RAD54L2: variants seen among roughly 807,000 people sequenced by gnomAD.
RAD54L2 encodes the protein RAD54 like 2.
RAD54L2 carries 27 observed loss-of-function variants against 138.4 expected under a neutral mutation model. That is an observed-to-expected ratio of 0.20 (90% CI 0.14 to 0.27). The LOEUF is 0.27. Among genes scored for constraint, RAD54L2 ranks in the 10% least tolerant of loss-of-function variants. RAD54L2 has a pLI of 1.00. For missense variants in RAD54L2, 1,396 were observed against 1,890.2 expected (o/e 0.74, Z 4.85); for synonymous variants, 644 against 723.2 (o/e 0.89, Z 1.76).
intron 4 of RAD54L2, 77 bp from the exon 5 acceptor site, chr3:51,629,257 A>G (rs961337107): frequency 1.2e-5 from 18 of 1,460,948 alleles, no homozygotes; most frequent in Middle Eastern, 1.7e-4. Context: ...ATCAATGGCT[A>G]TTTCTCTCTT....
chr3:51,571,917 A>G (rs1227815192), intron 2 of RAD54L2, among the ~76,000 whole-genome samples: 2 of 151,770 alleles, frequency 1.3e-5, no homozygotes, highest in African/African-American at 4.8e-5. Context: ...TGTAGTCTGG[A>G]TTTTGTCCAG....
chr3:51,564,307 GTTTCT>G (rs1418827364), intron 2 of RAD54L2, among the ~76,000 whole-genome samples: 4 of 152,170 alleles, frequency 2.6e-5, no homozygotes, highest in Admixed American at 6.5e-5. Context: ...AAGATAGGAG[GTTTCT>G]TTTCTATTCT....
chr3:51,622,959 A>G (rs143646942), intron 3 of RAD54L2, among the ~76,000 whole-genome samples: 141 of 152,346 alleles, frequency 9.3e-4, no homozygotes, highest in African/African-American at 3.3e-3. Flanking sequence ...CCAGCCAGTA[A>G]GGCTGGATTT....
At position 51,660,733 on chromosome 3, in the gene RAD54L2, C is replaced by T. The variant is rs554761231; in HGVS notation, c.3409+615C>T. 1.3e-3 allele frequency among the ~76,000 whole-genome samples: 199 copies of T among 149,326 alleles called. 1 individual carries two copies. The highest frequency in any genetic ancestry group is 4.3e-3 in the African/African-American group (172 of 40,424). Reference sequence around the variant, plus strand: ...TCCTCCCAGGTTCAAGTGATTCTCCCGCCTCAGCCTCCTGAGTAGCTGAGA... The same window carrying T: ...TCCTCCCAGGTTCAAGTGATTCTCCTGCCTCAGCCTCCTGAGTAGCTGAGA... On this transcript the variant is annotated intron_variant, in intron 22 of 22. Coordinates refer to ENST00000684192, the MANE Select transcript of RAD54L2 (RefSeq NM_015106.4).
At chr3:51,567,387 T>C (rs764966842) in intron 2 of RAD54L2, among the ~76,000 whole-genome samples, 19 of 152,178 alleles carry the variant, frequency 1.2e-4, no homozygotes, top group Non-Finnish European at 2.5e-4. Flanking sequence ...TTTCATTGTG[T>C]TATCTTGTTG....
chr3:51,662,527 G>T lies in RAD54L2; in HGVS notation c.3511G>T (p.Asp1171Tyr). Residue 1171 changes from aspartate (D) to tyrosine (Y), a missense_variant, in exon 23 of 23, where the codon GAC becomes TAC. Coordinates refer to ENST00000684192, the MANE Select transcript of RAD54L2 (RefSeq NM_015106.4). The surrounding 1 kb of genome is among the most constrained non-coding windows in gnomAD (Gnocchi z 4.6). ...PEGLARPVSP[D>Y]SPEIISELQQ... is the part of the protein sequence containing the mutation. ...GGGGCTGGCCAGGCCCGTCTCTCCT[G>T]ACAGCCCAGAGATCATCAGTGAGCT... 12 of 1,613,498 alleles carry T rather than the reference G, an allele frequency of 7.4e-6. No individual in the cohort carries two copies. The highest frequency in any genetic ancestry group is 9.3e-6 in the Non-Finnish European group (11 of 1,179,672).
intron 2 of RAD54L2, among the ~76,000 whole-genome samples, chr3:51,574,081 C>T (rs571661978): frequency 1.2e-4 from 17 of 147,460 alleles, no homozygotes; most frequent in African/African-American, 3.2e-4. Flanking sequence ...CACCCATGAG[C>T]GAGAACATGC....
At chr3:51,563,130 G>T (rs989175147) in intron 2 of RAD54L2, among the ~76,000 whole-genome samples, 3 of 151,958 alleles carry the variant, frequency 2.0e-5, no homozygotes, top group African/African-American at 7.3e-5. Flanking sequence ...ATAAGTCTTT[G>T]TTGAGCTGAA....
chr3:51,630,775 AGAT>A lies in RAD54L2; in HGVS notation c.675_677del (p.Asp225del). ...TGGACAGCAGTGAATCTGTCAGTGA[AGAT>A]GATGAGGAAGAAGAGAAGGGTGGCA... On this transcript the variant is annotated inframe_deletion, in exon 7 of 23. Transcript: ENST00000684192. 6.2e-7 allele frequency: 1 copy of A among 1,614,026 alleles called. No individual in the cohort carries two copies.
At chr3:51,541,736 T>A (rs1553671353) in intron 2 of RAD54L2, 86 bp downstream of exon 2, 1 of 152,240 alleles carries the variant, frequency 6.6e-6, no homozygotes, top group Non-Finnish European at 1.5e-5. Flanking sequence ...TTTTGCTTTG[T>A]TACTCTTCAT....
At chr3:51,628,905 G>T (rs969501743) in intron 4 of RAD54L2, among the ~76,000 whole-genome samples, 5 of 151,152 alleles carry the variant, frequency 3.3e-5, no homozygotes, top group African/African-American at 1.2e-4. Flanking sequence ...TAGTAGAGAC[G>T]GGGTTTTGCC....
chr3:51,565,177 A>G (rs1247923589), intron 2 of RAD54L2, among the ~76,000 whole-genome samples: 1 of 152,224 alleles, frequency 6.6e-6, no homozygotes, highest in African/African-American at 2.4e-5. Flanking sequence ...ATTTTAAAAA[A>G]ATTACACTTT....
chr3:51,567,494 G>A (rs1699243743), intron 2 of RAD54L2, among the ~76,000 whole-genome samples: 1 of 151,790 alleles, frequency 6.6e-6, no homozygotes, highest in South Asian at 2.1e-4. Context: ...ACAGGCTTTT[G>A]CTGCAAAAAT....
chr3:51,560,391 G>A (rs150769582), intron 2 of RAD54L2, among the ~76,000 whole-genome samples: 1,569 of 140,544 alleles, frequency 0.011, 41 homozygotes, highest in African/African-American at 0.038. Context: ...ATGGAGTCTC[G>A]CTCTGTCACC....
chr3:51,612,153 G>A (rs1374301492), intron 3 of RAD54L2, among the ~76,000 whole-genome samples: 1 of 152,196 alleles, frequency 6.6e-6, no homozygotes, highest in South Asian at 2.1e-4. Context: ...ATTGGAGAAA[G>A]TGGGGGAGTA....
chr3:51,616,676 A>C (rs1289941335), intron 3 of RAD54L2, among the ~76,000 whole-genome samples: 1 of 151,790 alleles, frequency 6.6e-6, no homozygotes, highest in Admixed American at 6.6e-5. Flanking sequence ...AAAAATAGAA[A>C]AATTAGCTGG....
rs1464960321 is a variant in RAD54L2, at chr3:51,664,993, C to T, written c.*1573C>T. 6.6e-6 allele frequency: 1 copy of T among 152,042 alleles called. No individual in the cohort carries two copies. Among genetic ancestry groups the T allele is most frequent in the African/African-American group, 2.4e-5 (1 of 41,380 alleles). 9.4% of individuals were successfully genotyped at this position (152,042 alleles called of 1,614,324 possible). A position where few individuals can be genotyped will look rare whatever the true frequency, so the allele number is the denominator to read the frequency against. On this transcript the variant is annotated 3_prime_UTR_variant, in exon 23 of 23. Coordinates refer to ENST00000684192, the MANE Select transcript of RAD54L2 (RefSeq NM_015106.4). Reference sequence around the variant, plus strand: ...CATGTAGGCCTGGTGTCTGCTGCCTCCATCTTTGAAGGAACATGGAGGAGC... The same window carrying T: ...CATGTAGGCCTGGTGTCTGCTGCCTTCATCTTTGAAGGAACATGGAGGAGC...
rs955485986 is a variant in RAD54L2, at chr3:51,666,711, A to G, written c.*3291A>G. 6.6e-6 allele frequency: 1 copy of G among 152,228 alleles called. No individual in the cohort carries two copies. The highest frequency in any genetic ancestry group is 2.4e-5 in the African/African-American group (1 of 41,464). 9.4% of individuals were successfully genotyped at this position (152,228 alleles called of 1,614,324 possible). A position where few individuals can be genotyped will look rare whatever the true frequency, so the allele number is the denominator to read the frequency against. On this transcript the variant is annotated 3_prime_UTR_variant, in exon 23 of 23. Coordinates refer to ENST00000684192, the MANE Select transcript of RAD54L2 (RefSeq NM_015106.4). ...TTTTCTTTAGATTGGATATCTATGA[A>G]GTCCACACCCCTTTGAGTTATGCTT... is the stretch of plus-strand genomic sequence containing the variant.
intron 2 of RAD54L2, among the ~76,000 whole-genome samples, chr3:51,586,027 C>T (rs1292587350): frequency 1.3e-5 from 2 of 152,076 alleles, no homozygotes; most frequent in Non-Finnish European, 2.9e-5. Context: ...GCCCCCACCG[C>T]CACCAACCAT....
Sources: gnomAD v4.1 joint callset for allele counts (sites outside exome capture counted in the v4.1 genomes callset) on GRCh38, gnomAD v4.1.1 for gene constraint, Gnocchi (gnomAD v3.1) non-coding constraint, MANE v1.5 for transcripts, NCBI Gene and HGNC (gene_info 2026-07-23, HGNC 2026-07-21) for gene names.